KAZN: variants seen among roughly 807,000 people sequenced by gnomAD.
KAZN encodes kazrin.
In KAZN, 40 loss-of-function variants were observed where a neutral mutation model predicts 87.4. The ratio of observed to expected loss-of-function variants is 0.46; its 90% confidence interval spans 0.36 to 0.60. KAZN has a LOEUF of 0.60. Ranked by LOEUF, KAZN falls within the 20% of genes least tolerant of loss-of-function variation. The pLI, the probability that KAZN is intolerant of heterozygous loss-of-function variation, is 0.00. For synonymous variants in KAZN, 466 were observed against 458.3 expected (o/e 1.02, Z -0.22); for missense variants, 898 against 1,073.9 (o/e 0.84, Z 2.29).
At chr1:14,125,231 A>T (rs1370382880) in intron 1 of KAZN, among the ~76,000 whole-genome samples, 1 of 152,098 alleles carries the variant, frequency 6.6e-6, no homozygotes, top group Non-Finnish European at 1.5e-5. Context: ...CAGAAGCACC[A>T]TCCTCCCCCT....
At chr1:14,229,444 T>G (rs1647602077) in intron 2 of KAZN, among the ~76,000 whole-genome samples, 1 of 152,248 alleles carries the variant, frequency 6.6e-6, no homozygotes, top group South Asian at 2.1e-4. Context: ...ATATTTTATG[T>G]CTGTGTAACA....
At chr1:14,665,112 C>CAA (rs1639440621) in intron 1 of KAZN, among the ~76,000 whole-genome samples, 1 of 152,150 alleles carries the variant, frequency 6.6e-6, no homozygotes, top group African/African-American at 2.4e-5. Context: ...TCCGCTGCCC[C>CAA]AACAAAGATG....
At chr1:14,755,184 C>T (rs958445985) in intron 1 of KAZN, among the ~76,000 whole-genome samples, 9 of 151,720 alleles carry the variant, frequency 5.9e-5, no homozygotes, top group African/African-American at 2.2e-4. Context: ...GCCCAGGAGA[C>T]GGAGGTTGCA....
chr1:14,257,610 C>T (rs1203758838), intron 2 of KAZN, among the ~76,000 whole-genome samples: 5 of 147,414 alleles, frequency 3.4e-5, no homozygotes, highest in African/African-American at 5.1e-5. Flanking sequence ...TTAGGTCTAA[C>T]GTTTAAATCT....
At chr1:14,818,366 T>C (rs1379045070) in intron 1 of KAZN, among the ~76,000 whole-genome samples, 1 of 152,246 alleles carries the variant, frequency 6.6e-6, no homozygotes, top group Non-Finnish European at 1.5e-5. Context: ...GGGAGACCTG[T>C]TGACAAGTGT....
chr1:15,001,597 C>T (rs1037765384), intron 2 of KAZN, among the ~76,000 whole-genome samples: 9 of 152,174 alleles, frequency 5.9e-5, no homozygotes, highest in African/African-American at 2.2e-4. Context: ...TTCCACAGAG[C>T]CTGGCACAGG....
intron 1 of KAZN, among the ~76,000 whole-genome samples, chr1:13,998,889 C>T (rs775688988): frequency 9.9e-5 from 15 of 152,114 alleles, no homozygotes; most frequent in Non-Finnish European, 1.9e-4. Context: ...GCAGAACTCT[C>T]CACCACAAAT....
chr1:14,953,929 T>C (rs1662787256), intron 1 of KAZN, among the ~76,000 whole-genome samples: 1 of 109,326 alleles, frequency 9.1e-6, no homozygotes, highest in Non-Finnish European at 1.7e-5. Flanking sequence ...CAACCCTAGC[T>C]GCAAGGGAAG....
At chr1:14,477,828 C>G (rs998668381) in intron 2 of KAZN, among the ~76,000 whole-genome samples, 3 of 152,172 alleles carry the variant, frequency 2.0e-5, no homozygotes, top group African/African-American at 7.2e-5. Context: ...CCAACGCTGC[C>G]CATTAGAAAG....
At chr1:14,986,276 T>C (rs1666816296) in intron 2 of KAZN, among the ~76,000 whole-genome samples, 1 of 152,172 alleles carries the variant, frequency 6.6e-6, no homozygotes, top group Non-Finnish European at 1.5e-5. Flanking sequence ...GAACCTGCAG[T>C]TCTCAGGGCG....
At chr1:14,475,179 CAAAGG>C (rs1220937742) in intron 2 of KAZN, among the ~76,000 whole-genome samples, 2 of 151,522 alleles carry the variant, frequency 1.3e-5, no homozygotes, top group Non-Finnish European at 2.9e-5. Context: ...GAAAGATAGA[CAAAGG>C]AAAGATATTG....
chr1:14,539,798 A>AAATTAACTT (rs1672704640), intron 2 of KAZN, among the ~76,000 whole-genome samples: 1 of 152,136 alleles, frequency 6.6e-6, no homozygotes, highest in African/African-American at 2.4e-5. Context: ...CCTATTTGCC[A>AAATTAACTT]TCAGAACCTA....
At chr1:14,247,055 G>C (rs750253360) in intron 2 of KAZN, among the ~76,000 whole-genome samples, 2 of 152,064 alleles carry the variant, frequency 1.3e-5, no homozygotes, top group African/African-American at 4.8e-5. Context: ...GTTATTGTCT[G>C]ACTTTTAATT....
chr1:13,939,258 T>C (rs1640849183), intron 1 of KAZN, among the ~76,000 whole-genome samples: 1 of 152,266 alleles, frequency 6.6e-6, no homozygotes, highest in Non-Finnish European at 1.5e-5. Context: ...AAGCAATTTC[T>C]TTGCTCCTGC....
intron 1 of KAZN, among the ~76,000 whole-genome samples, chr1:14,747,825 G>T (rs901595184): frequency 2.6e-5 from 4 of 152,308 alleles, no homozygotes; most frequent in Admixed American, 2.0e-4. Flanking sequence ...ATTCTCACCA[G>T]CAATGCATAA....
chr1:14,803,714 C>T (rs1572524287), intron 1 of KAZN, among the ~76,000 whole-genome samples: 1 of 152,376 alleles, frequency 6.6e-6, no homozygotes. Context: ...GAGCCCTGCT[C>T]TCACGGCCTG....
intron 3 of KAZN, among the ~76,000 whole-genome samples, chr1:15,036,650 A>G (rs959022829): frequency 3.9e-5 from 6 of 152,090 alleles, no homozygotes; most frequent in African/African-American, 1.4e-4. Context: ...TCTCAGCAGC[A>G]TTGCCTTTGG....
At chr1:14,984,140 G>A (rs1666537713) in intron 2 of KAZN, among the ~76,000 whole-genome samples, 1 of 152,084 alleles carries the variant, frequency 6.6e-6, no homozygotes, top group Non-Finnish European at 1.5e-5. Context: ...GCCGAGGCAG[G>A]CAGATCACTT....
chr1:14,396,014 A>G (rs12401863), intron 2 of KAZN, among the ~76,000 whole-genome samples: 23,063 of 151,746 alleles, frequency 0.15, 1,892 homozygotes, highest in East Asian at 0.23. Context: ...CAAAAAATAC[A>G]AAAATTAGCC....
Sources: allele counts gnomAD v4.1 joint callset (sites outside exome capture counted in the v4.1 genomes callset), GRCh38; gene constraint gnomAD v4.1.1; transcripts MANE v1.5; gene names NCBI Gene and HGNC (gene_info 2026-07-23, HGNC 2026-07-21).